FARP1: variants seen among roughly 807,000 people sequenced by gnomAD.
The protein encoded by FARP1 is FERM, ARHGEF and pleckstrin domain-containing protein 1.
Under a neutral mutation model 128.8 loss-of-function variants are expected in FARP1, and 52 were observed. The observed-to-expected ratio is 0.40, with a 90% confidence interval of 0.32 to 0.51. The LOEUF is 0.51. Ranked by LOEUF, FARP1 falls within the 20% of genes least tolerant of loss-of-function variation. The pLI is 0.45. For missense variants in FARP1, 1,333 were observed against 1,367.9 expected (o/e 0.97, Z 0.40); for synonymous variants, 580 against 551.8 (o/e 1.05, Z -0.72).
intron 2 of FARP1, among the ~76,000 whole-genome samples, chr13:98,216,708 A>G (rs1881081269): frequency 1.3e-5 from 2 of 152,136 alleles, no homozygotes; most frequent in South Asian, 4.1e-4. Flanking sequence ...TAAAAAAATT[A>G]TTATTAAAGA....
At chr13:98,277,148 A>ACACACACACACACACCCC (rs372627844) in intron 2 of FARP1, among the ~76,000 whole-genome samples, 23 of 138,656 alleles carry the variant, frequency 1.7e-4, no homozygotes, top group East Asian at 1.0e-3. Context: ...ACACACACAC[A>ACACACACACACACACCCC]CCCCATATGT....
intron 1 of FARP1, among the ~76,000 whole-genome samples, chr13:98,191,086 C>T (rs1031843859): frequency 4.6e-5 from 7 of 152,290 alleles, no homozygotes; most frequent in Admixed American, 1.3e-4. Context: ...CTCTCCGGCC[C>T]GACACTGCTG....
At chr13:98,321,586 T>C (rs904695403) in intron 2 of FARP1, among the ~76,000 whole-genome samples, 1 of 152,168 alleles carries the variant, frequency 6.6e-6, no homozygotes, top group Admixed American at 6.5e-5. Flanking sequence ...CCTGATGCCA[T>C]TGCAGAAAAG....
chr13:98,304,489 G>A (rs58411588), intron 2 of FARP1, among the ~76,000 whole-genome samples: 2,161 of 152,294 alleles, frequency 0.014, 57 homozygotes, highest in African/African-American at 0.05. Context: ...AGATTCCGAG[G>A]TGGGTCCTGC....
At chr13:98,391,452 G>A (rs959104922) in intron 11 of FARP1, among the ~76,000 whole-genome samples, 1 of 152,060 alleles carries the variant, frequency 6.6e-6, no homozygotes, top group East Asian at 1.9e-4. Context: ...CTAAATTTTT[G>A]TAGAGATGGG....
At chr13:98,212,304 C>T (rs1566747410) in intron 1 of FARP1, among the ~76,000 whole-genome samples, 2 of 152,302 alleles carry the variant, frequency 1.3e-5, no homozygotes, top group East Asian at 3.9e-4. Flanking sequence ...GATTCACCCA[C>T]CTTGGCCTCC....
At chr13:98,273,425 AAC>A in intron 2 of FARP1, among the ~76,000 whole-genome samples, 1 of 152,154 alleles carries the variant, frequency 6.6e-6, no homozygotes, top group Non-Finnish European at 1.5e-5. Flanking sequence ...GTTGTGCCTA[AAC>A]TCCAAAAGGG....
intron 1 of FARP1, among the ~76,000 whole-genome samples, chr13:98,196,743 A>G (rs188750912): frequency 5.3e-5 from 8 of 152,324 alleles, no homozygotes; most frequent in African/African-American, 1.9e-4. Context: ...CCTTTCAGCA[A>G]TCTGCAGCAA....
chr13:98,338,151 C>T (rs183379931), intron 2 of FARP1, among the ~76,000 whole-genome samples: 280 of 152,226 alleles, frequency 1.8e-3, no homozygotes, highest in Non-Finnish European at 3.8e-4. Context: ...CAAAACTTAC[C>T]GTTTTTACAT....
intron 13 of FARP1, chr13:98,397,888 A>C (rs1206380630): frequency 1.0e-4 from 12 of 115,516 alleles, no homozygotes; most frequent in African/African-American, 4.1e-4. Context: ...AGCCTTAGGT[A>C]CTTTTTTTTT....
At chr13:98,311,975 C>G (rs1183948128) in intron 2 of FARP1, among the ~76,000 whole-genome samples, 1 of 151,320 alleles carries the variant, frequency 6.6e-6, no homozygotes, top group African/African-American at 2.4e-5. Flanking sequence ...TCTGGAGTAG[C>G]TGGGATTATA....
At chr13:98,424,019 C>G (rs1891689004) in intron 16 of FARP1, among the ~76,000 whole-genome samples, 1 of 152,156 alleles carries the variant, frequency 6.6e-6, no homozygotes. Flanking sequence ...TTACGTCACT[C>G]CCACCTTAGG....
intron 2 of FARP1, among the ~76,000 whole-genome samples, chr13:98,343,489 AT>A (rs1234247503): frequency 1.3e-5 from 2 of 152,362 alleles, no homozygotes; most frequent in African/African-American, 2.4e-5. Flanking sequence ...CTCTAAAAAA[AT>A]AGTCGATTAA....
rs28408749 is a variant in FARP1 at position 98,296,521 on chromosome 13, G to T, written c.172-47241G>T. 4.1e-5 allele frequency among the ~76,000 whole-genome samples: 6 copies of T among 146,860 alleles called. No homozygotes were observed. In the East Asian group the frequency reaches 6.2e-4, roughly 15 times the overall value. On this transcript the variant is annotated intron_variant, in intron 2 of 26. Coordinates refer to ENST00000319562, the MANE Select transcript of FARP1 (RefSeq NM_005766.4). Reference sequence around the variant, plus strand: ...TGATCTGTGAAGACAGGGACCCCCCGCTCTTCATGCACATCCTCCACTCCT... The same window carrying T: ...TGATCTGTGAAGACAGGGACCCCCCTCTCTTCATGCACATCCTCCACTCCT...
intron 4 of FARP1, among the ~76,000 whole-genome samples, chr13:98,367,122 A>T (rs701536): frequency 1.3e-5 from 2 of 148,398 alleles, no homozygotes; most frequent in African/African-American, 4.9e-5. Context: ...AAAAACTCCA[A>T]TGCAAATCAC....
intron 2 of FARP1, among the ~76,000 whole-genome samples, chr13:98,284,540 A>T (rs867105610): frequency 6.6e-6 from 1 of 152,018 alleles, no homozygotes; most frequent in Non-Finnish European, 1.5e-5. Context: ...GATATTTGGG[A>T]AAAAAAATAG....
intron 2 of FARP1, among the ~76,000 whole-genome samples, chr13:98,342,485 A>C (rs1202128107): frequency 6.9e-6 from 1 of 145,944 alleles, no homozygotes; most frequent in African/African-American, 2.5e-5. Context: ...GATCACCTGA[A>C]GTCAGGAGTT....
intron 2 of FARP1, among the ~76,000 whole-genome samples, chr13:98,281,374 A>G (rs1021300699): frequency 1.3e-4 from 5 of 38,802 alleles, no homozygotes; most frequent in Non-Finnish European, 1.7e-4. Flanking sequence ...CTTGGAGGGA[A>G]AAAAAAAAAA....
At chr13:98,151,047 A>G (rs1458930403) in intron 1 of FARP1, among the ~76,000 whole-genome samples, 1 of 152,102 alleles carries the variant, frequency 6.6e-6, no homozygotes, top group Middle Eastern at 3.4e-3. Flanking sequence ...CTGAATAAAC[A>G]ATTCACAGGT....
Sources: allele counts gnomAD v4.1 joint callset (sites outside exome capture counted in the v4.1 genomes callset), GRCh38; gene constraint gnomAD v4.1.1; transcripts MANE v1.5; gene names NCBI Gene and HGNC (gene_info 2026-07-23, HGNC 2026-07-21).